DNAH9: variants seen among roughly 807,000 people sequenced by gnomAD.
The protein encoded by DNAH9 is DNAH9 variant protein.
Under a neutral mutation model 471.6 loss-of-function variants are expected in DNAH9, and 345 were observed. The ratio of observed to expected loss-of-function variants is 0.73; its 90% confidence interval spans 0.67 to 0.80. The LOEUF (loss-of-function observed/expected upper bound fraction) is 0.80, where lower values mean the gene tolerates loss of function less well. DNAH9 is among the 30% of genes least tolerant of loss of function. DNAH9 has a pLI of 0.00. For synonymous variants in DNAH9, 2,093 were observed against 2,123.6 expected (o/e 0.99, Z 0.40); for missense variants, 5,407 against 5,609.2 (o/e 0.96, Z 1.15).
At chr17:11,884,484 G>T in intron 56 of DNAH9, 1 of 448,996 alleles carries the variant, frequency 2.2e-6, no homozygotes, top group Admixed American at 2.4e-5. Flanking sequence ...GAGCATATCT[G>T]TAACAGTGTC....
intron 20 of DNAH9, among the ~76,000 whole-genome samples, chr17:11,691,193 A>G (rs928422278): frequency 6.6e-6 from 1 of 152,184 alleles, no homozygotes; most frequent in African/African-American, 2.4e-5. Flanking sequence ...AATCCCAAAA[A>G]GCATATTTAG....
intron 17 of DNAH9, among the ~76,000 whole-genome samples, chr17:11,673,667 T>C (rs887338835): frequency 2.7e-5 from 4 of 150,924 alleles, no homozygotes; most frequent in African/African-American, 4.9e-5. Flanking sequence ...TGATGAAATA[T>C]AACATACATA....
intron 20 of DNAH9, among the ~76,000 whole-genome samples, chr17:11,691,862 G>A (rs1276058045): frequency 6.6e-6 from 1 of 152,104 alleles, no homozygotes; most frequent in Non-Finnish European, 1.5e-5. Flanking sequence ...GGAGTGTAGT[G>A]GTGCGATCTC....
intron 20 of DNAH9, among the ~76,000 whole-genome samples, chr17:11,691,289 TG>T (rs2074328926): frequency 6.6e-6 from 1 of 152,318 alleles, no homozygotes; most frequent in Admixed American, 6.5e-5. Context: ...TAAGTCAAAT[TG>T]AATAAGCCAG....
intron 14 of DNAH9, among the ~76,000 whole-genome samples, chr17:11,664,357 TGAA>T (rs2150720508): frequency 1.3e-5 from 2 of 152,282 alleles, no homozygotes; most frequent in African/African-American, 4.8e-5. Flanking sequence ...TCAGTAGGAT[TGAA>T]TGCCAACTGC....
At chr17:11,698,533 G>T (rs2074534523) in intron 22 of DNAH9, among the ~76,000 whole-genome samples, 1 of 151,206 alleles carries the variant, frequency 6.6e-6, no homozygotes, top group Admixed American at 6.7e-5. Flanking sequence ...CTTGGTATTT[G>T]TACCCAAATC....
chr17:11,632,571 T>C lies in DNAH9; in HGVS notation c.1519-16T>C. ...GAAAATTACGTTTTCCTTATATATA[T>C]ATGGTGTCTCTTCAGGACTTTGAAA... On this transcript the variant is annotated splice_polypyrimidine_tract_variant and intron_variant, in intron 7 of 68. Transcript: ENST00000262442. 7.9e-7 allele frequency: 1 copy of C among 1,273,226 alleles called. No homozygotes were observed. Among genetic ancestry groups the C allele is most frequent in the Non-Finnish European group, 1.2e-6 (1 of 869,232 alleles). 78.9% of individuals were successfully genotyped at this position (1,273,226 alleles called of 1,614,324 possible).
rs775619804 is a variant in DNAH9 at position 11,797,631 on chromosome 17, C to T, written c.8258C>T (p.Pro2753Leu). 4 of 1,613,936 alleles carry T rather than the reference C, an allele frequency of 2.5e-6. No individual in the cohort carries two copies. The highest frequency in any genetic ancestry group is 2.5e-6 in the Non-Finnish European group (3 of 1,179,992). The stretch of plus-strand genomic sequence containing the variant: ...GACCCTGTGGAGCAGACCCAAAGCC[C>T]GAACCTGTATTGTCACTTTGCAAAT... ...IEDPVEQTQS[P>L]NLYCHFANGI... is the part of the protein sequence containing the mutation. Residue 2753 changes from proline (P) to leucine (L), a missense_variant, in exon 43 of 69, where the codon CCG becomes CTG. Around this residue, in one of 3 missense-constraint regions of DNAH9, gnomAD observed 4,636 missense variants for 4,900.3 expected, o/e 0.95. Transcript: ENST00000262442.
At chr17:11,827,175 T>TCAACAAACTGAACTCTCAATC (rs1970528110) in intron 48 of DNAH9, among the ~76,000 whole-genome samples, 2 of 152,168 alleles carry the variant, frequency 1.3e-5, no homozygotes, top group African/African-American at 4.8e-5. Flanking sequence ...CTGGATGATT[T>TCAACAAACTGAACTCTCAATC]CAACAAACTG....
chr17:11,814,865 G>A (rs1222407553), intron 45 of DNAH9, among the ~76,000 whole-genome samples: 1 of 152,120 alleles, frequency 6.6e-6, no homozygotes, highest in Non-Finnish European at 1.5e-5. Flanking sequence ...CTTGGCATTG[G>A]ATTGTTCTCC....
chr17:11,789,366 C>A (rs1299206336), intron 41 of DNAH9, among the ~76,000 whole-genome samples: 3 of 151,982 alleles, frequency 2.0e-5, no homozygotes, highest in East Asian at 1.9e-4. Flanking sequence ...AATTCAAATT[C>A]TTTAATATGT....
intron 38 of DNAH9, among the ~76,000 whole-genome samples, chr17:11,778,959 T>C (rs1331169517): frequency 6.6e-6 from 1 of 151,260 alleles, no homozygotes; most frequent in African/African-American, 2.4e-5. Flanking sequence ...TAAGCCGAGG[T>C]TGCACCACGG....
intron 1 of DNAH9, among the ~76,000 whole-genome samples, chr17:11,602,379 G>A (rs1022091448): frequency 6.6e-6 from 1 of 152,158 alleles, no homozygotes; most frequent in Admixed American, 6.5e-5. Context: ...CCATCTGATG[G>A]ATCCTTGTCA....
In DNAH9 at chr17:11,689,861, G is replaced by A; in HGVS notation, c.4039G>A (p.Asp1347Asn). The part of the protein sequence containing the change: ...KQFARHIRNL[D>N]KEVRAWDAFT... Reference sequence around the variant, plus strand: ...GTTTGCCCGGCATATCCGAAACCTGGACAAGGAGGTCAGGGCCTGGGATGC... The same window carrying A: ...GTTTGCCCGGCATATCCGAAACCTGAACAAGGAGGTCAGGGCCTGGGATGC... The change falls in exon 20 of 69, where the codon GAC becomes AAC. Residue 1347 changes from aspartate to asparagine, a missense_variant. Asp to Asn is a conservative substitution (Grantham distance 23, BLOSUM62 1). This residue lies in a region of DNAH9 where 4,636 missense variants were observed against 4,900.3 expected (regional missense o/e 0.95). Coordinates refer to ENST00000262442, the MANE Select transcript of DNAH9 (RefSeq NM_001372.4). The A allele has an allele frequency of 1.9e-6, 3 of 1,610,776 alleles. No individual in the cohort carries two copies. The highest frequency in any genetic ancestry group is 2.5e-6 in the Non-Finnish European group (3 of 1,178,160).
intron 60 of DNAH9, among the ~76,000 whole-genome samples, chr17:11,903,921 G>A (rs3074105): frequency 2.2e-5 from 1 of 45,284 alleles, no homozygotes; most frequent in African/African-American, 6.0e-5. Flanking sequence ...AAAAAAGAAA[G>A]AAGGAAGGAA....
intron 38 of DNAH9, among the ~76,000 whole-genome samples, chr17:11,769,770 G>A (rs1452942151): frequency 1.3e-5 from 2 of 152,236 alleles, no homozygotes; most frequent in Non-Finnish European, 2.9e-5. Context: ...TCACCACCAA[G>A]TGGTGAGGCA....
intron 51 of DNAH9, 123 bp downstream of exon 51, chr17:11,869,376 G>A: frequency 2.2e-6 from 3 of 1,355,742 alleles, no homozygotes; most frequent in South Asian, 1.5e-5. Context: ...GTATTAAAAT[G>A]TGCTGAAATG....
intron 38 of DNAH9, among the ~76,000 whole-genome samples, chr17:11,771,659 T>G (rs1968210562): frequency 6.6e-6 from 1 of 152,226 alleles, no homozygotes; most frequent in Non-Finnish European, 1.5e-5. Flanking sequence ...GCTGTCTGCC[T>G]CATAGAATTC....
intron 31 of DNAH9, among the ~76,000 whole-genome samples, chr17:11,746,958 A>G (rs887478022): frequency 2.2e-4 from 33 of 152,080 alleles, no homozygotes; most frequent in Non-Finnish European, 8.8e-5. Context: ...AAGAATCAAG[A>G]AAAAAAATCC....
Sources: allele counts gnomAD v4.1 joint callset (sites outside exome capture counted in the v4.1 genomes callset), GRCh38; gene constraint gnomAD v4.1.1; regional missense constraint gnomAD v4.1.1; transcripts MANE v1.5; gene names NCBI Gene and HGNC (gene_info 2026-07-23, HGNC 2026-07-21).